Variants in CCDC66 observed in about 807,000 individuals in gnomAD.
CCDC66 encodes the protein coiled-coil domain-containing protein 66.
CCDC66 carries 133 observed loss-of-function variants against 128.3 expected under a neutral mutation model. The observed-to-expected ratio is 1.04, with a 90% CI of 0.90 to 1.20. The LOEUF (loss-of-function observed/expected upper bound fraction) is 1.20. Ranked by LOEUF, CCDC66 falls within the 50% of genes most tolerant of loss-of-function variation. The pLI is 0.00. For missense variants in CCDC66, 1,126 were observed against 1,075.5 expected, an observed-to-expected ratio of 1.05 and a Z score of -0.66; for synonymous variants, 387 against 357.0, an observed-to-expected ratio of 1.08 and a Z score of -0.95.
chr3:56,579,031 G>T (rs566625093), intron 7 of CCDC66, among the ~76,000 whole-genome samples: 1 of 151,850 alleles, frequency 6.6e-6, no homozygotes, highest in Non-Finnish European at 1.5e-5. Context: ...CTGTGAATCC[G>T]TTTGGTCCTG....
In CCDC66 at chr3:56,585,111, G is replaced by T. The variant is rs575922268; in HGVS notation, c.937-7859G>T. ...GAGAGGGAGAGGGAGACCATGGGGAGGGGGAGGGGGAGAGGGAGAGGGAGG... is the reference window on the plus strand; with the variant it reads ...GAGAGGGAGAGGGAGACCATGGGGATGGGGAGGGGGAGAGGGAGAGGGAGG... On this transcript the variant is annotated intron_variant, in intron 7 of 17. Coordinates refer to ENST00000394672, the MANE Select transcript of CCDC66 (RefSeq NM_001141947.3). 7.6e-5 allele frequency among the ~76,000 whole-genome samples: 9 copies of T among 117,756 alleles called. No homozygotes were observed. The East Asian group carries it at 1.9e-3, about 25-fold the overall frequency. 77.3% of individuals were successfully genotyped at this position (117,756 alleles called of 152,430 possible).
intron 10 of CCDC66, among the ~76,000 whole-genome samples, chr3:56,602,301 T>G (rs2073310431): frequency 6.6e-6 from 1 of 152,136 alleles, no homozygotes; most frequent in African/African-American, 2.4e-5. Context: ...GAACCAGCCT[T>G]GCATCCCAGA....
intron 7 of CCDC66, among the ~76,000 whole-genome samples, chr3:56,590,988 C>T (rs1428114007): frequency 6.6e-6 from 1 of 152,148 alleles, no homozygotes; most frequent in Non-Finnish European, 1.5e-5. Context: ...GCCTTACTCA[C>T]CTTCAACTAA....
chr3:56,599,930 TGTTTG>T (rs1313361062), intron 10 of CCDC66, among the ~76,000 whole-genome samples: 4 of 152,030 alleles, frequency 2.6e-5, no homozygotes, highest in African/African-American at 9.7e-5. Flanking sequence ...GAACGTGCAG[TGTTTG>T]GTTTTCTGTT....
chr3:56,598,995 G>A (rs2072651418), intron 10 of CCDC66, among the ~76,000 whole-genome samples: 1 of 151,946 alleles, frequency 6.6e-6, no homozygotes, highest in Non-Finnish European at 1.5e-5. Context: ...GGGAAGAATT[G>A]GTTAGTTCTT....
rs2076588080 is a variant in CCDC66, at chr3:56,621,358, T to C, written c.2761-174T>C. 4 of 418,040 alleles carry C rather than the reference T, an allele frequency of 9.6e-6. No homozygotes were observed. The Admixed American group carries it at 1.2e-4, about 13-fold the overall frequency. The allele number at this position is 418,040 out of a possible 1,614,324, so 25.9% of individuals were successfully genotyped here. Reference sequence around the variant, plus strand: ...TAAAAACAGAATCTTACAAATGTGATAGCTATATATCCAAATGAGGTGGTC... The same window carrying C: ...TAAAAACAGAATCTTACAAATGTGACAGCTATATATCCAAATGAGGTGGTC... On this transcript the variant is annotated intron_variant, in intron 17 of 17. Transcript: ENST00000394672.
At chr3:56,608,581 T>TTCG in intron 10 of CCDC66, among the ~76,000 whole-genome samples, 1 of 45,140 alleles carries the variant, frequency 2.2e-5, no homozygotes, top group Middle Eastern at 0.011. Context: ...AGCTTTTTGT[T>TTCG]TCATTTGTCG....
intron 13 of CCDC66, 130 bp from the exon 14 acceptor site, chr3:56,616,982 C>T (rs893059562): frequency 1.9e-5 from 14 of 720,692 alleles, no homozygotes; most frequent in South Asian, 9.1e-5. Context: ...TATAGAGGTT[C>T]GGTTTTGTTG....
At chr3:56,559,620 C>G (rs200258868) in intron 3 of CCDC66, 26 bp downstream of exon 3, 3 of 1,503,428 alleles carry the variant, frequency 2.0e-6, no homozygotes, top group Non-Finnish European at 2.7e-6. Flanking sequence ...TTGACCTGAC[C>G]TGTTTTCAAA....
chr3:56,587,819 A>T (rs56204053), intron 7 of CCDC66, among the ~76,000 whole-genome samples: 1 of 152,086 alleles, frequency 6.6e-6, no homozygotes, highest in Non-Finnish European at 1.5e-5. Flanking sequence ...CAGTGAGCCG[A>T]GATCGCACCA....
rs200915722 is a variant in CCDC66, at chr3:56,592,932, G to C, written c.937-38G>C. On this transcript the variant is annotated intron_variant, in intron 7 of 17. Coordinates refer to ENST00000394672, the MANE Select transcript of CCDC66 (RefSeq NM_001141947.3). Reference sequence around the variant, plus strand: ...CACATATTAAGTGATTAGAAAAAGAGAACTGAACTTTAGATGGCTTTTATG... The same window carrying C: ...CACATATTAAGTGATTAGAAAAAGACAACTGAACTTTAGATGGCTTTTATG... 629 of 1,592,706 alleles carry C rather than the reference G, an allele frequency of 3.9e-4. 1 individual carries two copies. The highest frequency in any genetic ancestry group is 5.2e-4 in the Non-Finnish European group (605 of 1,174,370).
At chr3:56,575,852 G>C (rs1487448270) in intron 7 of CCDC66, among the ~76,000 whole-genome samples, 3 of 151,740 alleles carry the variant, frequency 2.0e-5, no homozygotes, top group African/African-American at 7.2e-5. Flanking sequence ...CCATTGAATG[G>C]TGTTGGCTCC....
At chr3:56,558,653 A>T (rs185565127) in intron 1 of CCDC66, 193 bp from the exon 2 acceptor site, 16 of 601,590 alleles carry the variant, frequency 2.7e-5, no homozygotes, top group Middle Eastern at 4.3e-4. Flanking sequence ...AGTTTCAAGA[A>T]TTTTCCCCCT....
intron 10 of CCDC66, among the ~76,000 whole-genome samples, chr3:56,604,348 G>A (rs1037294745): frequency 9.2e-5 from 14 of 152,004 alleles, no homozygotes; most frequent in Non-Finnish European, 2.9e-5. Context: ...TTGCTCATTA[G>A]TTGATGCAGT....
At chr3:56,590,900 T>C (rs1010822615) in intron 7 of CCDC66, among the ~76,000 whole-genome samples, 1 of 152,216 alleles carries the variant, frequency 6.6e-6, no homozygotes, top group African/African-American at 2.4e-5. Context: ...TTTAACTGTA[T>C]GGAGGATTTA....
chr3:56,558,596 C>G (rs1368833221), intron 1 of CCDC66, among the ~76,000 whole-genome samples: 1 of 152,088 alleles, frequency 6.6e-6, no homozygotes, highest in Non-Finnish European at 1.5e-5. Context: ...TTACCAATAA[C>G]AAAATGAGAT....
At chr3:56,596,303 A>G (rs2071903134) in intron 10 of CCDC66, among the ~76,000 whole-genome samples, 1 of 152,108 alleles carries the variant, frequency 6.6e-6, no homozygotes, top group African/African-American at 2.4e-5. Flanking sequence ...GTGATTAGTA[A>G]TGTTGAGCAT....
At chr3:56,558,576 A>G (rs1376327962) in intron 1 of CCDC66, among the ~76,000 whole-genome samples, 3 of 152,230 alleles carry the variant, frequency 2.0e-5, no homozygotes, top group African/African-American at 7.2e-5. Flanking sequence ...ATGATAACTT[A>G]ATTTATAGTT....
At chr3:56,582,272 A>G (rs1247226617) in intron 7 of CCDC66, among the ~76,000 whole-genome samples, 1 of 151,884 alleles carries the variant, frequency 6.6e-6, no homozygotes, top group Non-Finnish European at 1.5e-5. Flanking sequence ...AAAGCGCAGT[A>G]TTAGGGTGGG....
Sources: gnomAD v4.1 joint callset for allele counts (sites outside exome capture counted in the v4.1 genomes callset) on GRCh38, gnomAD v4.1.1 for gene constraint, MANE v1.5 for transcripts, NCBI Gene and HGNC (gene_info 2026-07-23, HGNC 2026-07-21) for gene names.